ATXN2L: variants seen among roughly 807,000 people sequenced by gnomAD.
The protein encoded by ATXN2L is ataxin-2-like protein.
In ATXN2L, 24 loss-of-function variants were observed where a neutral mutation model predicts 120.7. That is an observed-to-expected ratio of 0.20 (90% CI 0.14 to 0.28). The LOEUF (loss-of-function observed/expected upper bound fraction) is 0.28, where lower values mean the gene tolerates loss of function less well. Among genes scored for constraint, ATXN2L ranks in the 10% least tolerant of loss-of-function variants. ATXN2L has a pLI of 1.00. For missense variants in ATXN2L, 1,312 were observed against 1,432.3 expected, an observed-to-expected ratio of 0.92 and a Z score of 1.36; for synonymous variants, 653 against 568.1, an observed-to-expected ratio of 1.15 and a Z score of -2.13.
chr16:28,836,752 T>C lies in ATXN2L; in HGVS notation c.*487T>C, dbSNP rs1278375812. ...GTTCAATCTCATCCCTCCCAGCAGC[T>C]CCCCTTCCACCCCCCGGGGAACTGA... On this transcript the variant is annotated 3_prime_UTR_variant, in exon 22 of 22. Transcript: ENST00000336783. The C allele has an allele frequency of 1.9e-6, 3 of 1,613,506 alleles. No homozygotes were observed. The highest frequency in any genetic ancestry group is 1.7e-6 in the Non-Finnish European group (2 of 1,179,910).
rs546961698 is a variant in ATXN2L, at chr16:28,834,524, G to A, written c.2264G>A (p.Arg755His). ...CTTCCAGGCTCCCTTCCTCCGCAGC[G>A]CTCGGACCAACACCAGCCAGCCTCA... is the stretch of plus-strand genomic sequence containing the variant. ...RGAKGSLPPQ[R>H]SDQHQPASAP... is the part of the protein sequence containing the mutation. Residue 755 changes from arginine to histidine, a missense_variant, in exon 18 of 22, where the codon CGC becomes CAC. Arg to His is a conservative substitution (Grantham distance 29). Transcript: ENST00000336783. 8 of 1,610,556 alleles carry A rather than the reference G, an allele frequency of 5.0e-6. No individual in the cohort carries two copies. The highest frequency in any genetic ancestry group is 4.0e-5 in the African/African-American group (3 of 75,016).
Position 28,835,094 on chromosome 16 carries a change from A to G in ATXN2L, c.2470A>G (p.Met824Val). ...FAPMLQSNPR[M>V]LTSGSHPQAI... ...CCCCATGCTTCAGAGCAACCCACGC[A>G]TGCTGACGTCGGGCAGCCATCCCCA... Residue 824 changes from methionine (M) to valine (V), a missense_variant, in exon 19 of 22, where the codon ATG (methionine) becomes GTG (valine). Coordinates refer to ENST00000336783, the MANE Select transcript of ATXN2L (RefSeq NM_007245.4). The G allele has an allele frequency of 1.2e-6, 2 of 1,613,846 alleles. No individual in the cohort carries two copies. The highest frequency in any genetic ancestry group is 8.5e-7 in the Non-Finnish European group (1 of 1,179,900).
rs749273222 is a variant in ATXN2L at position 28,835,339 on chromosome 16, G to A, written c.2625G>A (p.Pro875=). 16 of 1,613,364 alleles carry A rather than the reference G, an allele frequency of 9.9e-6. No homozygotes were observed. The highest frequency in any genetic ancestry group is 6.6e-5 in the South Asian group (6 of 91,084). ...ATQLHAHQPQ[P]ATTPTGSQPQ... ...AGCTCCATGCCCACCAGCCGCAGCC[G>A]GCTACCACGCCTACTGGAAGCCAGC... The change falls in exon 20 of 22, where the codon CCG becomes CCA. Residue 875 remains proline, a synonymous_variant. Coordinates refer to ENST00000336783, the MANE Select transcript of ATXN2L (RefSeq NM_007245.4).
rs749427797 is a variant in ATXN2L at position 28,829,379 on chromosome 16, A to G, written c.742-22A>G. ...CGTTGCTTTTCCTGCTGGGTTTTAA[A>G]ACCACCTTCCTCCCTCCCCAGTCCA... is the stretch of plus-strand genomic sequence containing the variant. On this transcript the variant is annotated intron_variant, in intron 6 of 21. Coordinates refer to ENST00000336783, the MANE Select transcript of ATXN2L (RefSeq NM_007245.4). The G allele has an allele frequency of 1.1e-5, 18 of 1,574,808 alleles. No homozygotes were observed. In the Admixed American group the frequency reaches 2.8e-4, roughly 25 times the overall value.
In ATXN2L at chr16:28,833,946, A is replaced by G. The variant is rs151059131; in HGVS notation, c.2026-119A>G. ...GGGTTTAATGTGAGGCTTTATCAAG[A>G]TAAGTGCAGAATATGTTTGGTATGC... On this transcript the variant is annotated intron_variant, in intron 15 of 21. Transcript: ENST00000336783. 4.3e-4 allele frequency: 500 copies of G among 1,173,198 alleles called. 2 individuals are homozygous for G. Among genetic ancestry groups the G allele is most frequent in the African/African-American group, 7.9e-4 (51 of 64,932 alleles). 72.7% of individuals were successfully genotyped at this position (1,173,198 alleles called of 1,614,324 possible). A position where few individuals can be genotyped will look rare whatever the true frequency, so the allele number is the denominator to read the frequency against.
In ATXN2L at chr16:28,825,696, A is replaced by AC. The variant is rs775885605; in HGVS notation, c.393+21dup. 2.2e-5 allele frequency: 36 copies of AC among 1,613,944 alleles called. No individual in the cohort carries two copies. The Admixed American group carries it at 4.0e-4, about 18-fold the overall frequency. On this transcript the variant is annotated intron_variant, in intron 3 of 21. Coordinates refer to ENST00000336783, the MANE Select transcript of ATXN2L (RefSeq NM_007245.4). ...AGCTGTTGTGGTAAGTTGGTACTTA[A>AC]CCCCCGGGTTGTTTAAGGAACGTAA...
chr16:28,830,463 C>T (rs1346232194), intron 8 of ATXN2L, 152 bp from the exon 9 acceptor site: 2 of 756,836 alleles, frequency 2.6e-6, no homozygotes, highest in African/African-American at 3.6e-5. Context: ...GAACGTTAAA[C>T]TAGGGCAGAT....
chr16:28,827,626 A>C (rs776106131), intron 6 of ATXN2L, among the ~76,000 whole-genome samples: 11 of 152,138 alleles, frequency 7.2e-5, no homozygotes, highest in African/African-American at 1.4e-4. Flanking sequence ...AGTCCCAGCT[A>C]CTTGGGAGGC....
At chr16:28,829,284 T>C (rs186428345) in intron 6 of ATXN2L, 117 bp from the exon 7 acceptor site, 84 of 725,454 alleles carry the variant, frequency 1.2e-4, no homozygotes, top group South Asian at 6.2e-4. Context: ...ATTACAGGTT[T>C]CAGCCACTGT....
At chr16:28,835,901 G>T in intron 21 of ATXN2L, 32 bp from the exon 22 acceptor site, 1 of 1,553,040 alleles carries the variant, frequency 6.4e-7, no homozygotes, top group Non-Finnish European at 8.7e-7. Flanking sequence ...AGGATTCTGT[G>T]GTCTTCCCGG....
intron 15 of ATXN2L, 65 bp downstream of exon 15, chr16:28,833,573 T>A: frequency 1.3e-6 from 2 of 1,492,028 alleles, no homozygotes; most frequent in Non-Finnish European, 1.9e-6. Flanking sequence ...TGCTTATAGA[T>A]GAATAGGGGG....
chr16:28,832,456 G>A (rs2054847475), intron 11 of ATXN2L, 40 bp from the exon 12 acceptor site: 1 of 1,612,400 alleles, frequency 6.2e-7, no homozygotes, highest in Non-Finnish European at 8.5e-7. Context: ...TTGTGGTTCT[G>A]GACAGAAGGA....
Position 28,825,384 on chromosome 16 carries a change from G to A in ATXN2L, c.318G>A (p.Lys106=). ...IGSARGQSTG[K]GPPQSPVFEG... is the part of the protein sequence containing the mutation. ...TTTATAGGGGACAGAGCACAGGAAA[G>A]GGACCCCCACAGTCACCTGTGAGTG... Residue 106 remains lysine (K), a synonymous_variant, in exon 2 of 22, where the codon AAG becomes AAA. Coordinates refer to ENST00000336783, the MANE Select transcript of ATXN2L (RefSeq NM_007245.4). 3 of 1,613,934 alleles carry A rather than the reference G, an allele frequency of 1.9e-6. No homozygotes were observed. Among genetic ancestry groups the A allele is most frequent in the Non-Finnish European group, 2.5e-6 (3 of 1,179,934 alleles).
intron 12 of ATXN2L, 120 bp downstream of exon 12, chr16:28,832,687 T>G: frequency 7.0e-7 from 1 of 1,422,004 alleles, no homozygotes; most frequent in South Asian, 1.2e-5. Context: ...TGGATTATAA[T>G]TTCACTTCTG....
chr16:28,836,879 C>A lies in ATXN2L; in HGVS notation c.*614C>A, dbSNP rs541173680. 3.4e-5 allele frequency: 43 copies of A among 1,280,040 alleles called. No individual in the cohort carries two copies. Among genetic ancestry groups the A allele is most frequent in the Non-Finnish European group, 4.3e-5 (39 of 902,010 alleles). The allele number at this position is 1,280,040 out of a possible 1,614,324, so 79.3% of individuals were successfully genotyped here. On this transcript the variant is annotated 3_prime_UTR_variant, in exon 22 of 22. Transcript: ENST00000336783. ...GACCACTCCCAGCCCCCCATCCCCCCGTTCCCCAGGGGAGCTGGGGAATTC... is the reference window on the plus strand; with the variant it reads ...GACCACTCCCAGCCCCCCATCCCCCAGTTCCCCAGGGGAGCTGGGGAATTC...
chr16:28,826,791 G>A, intron 5 of ATXN2L, 71 bp from the exon 6 acceptor site: 4 of 1,470,998 alleles, frequency 2.7e-6, no homozygotes, highest in Non-Finnish European at 2.7e-6. Context: ...ACGGAGAGTG[G>A]GGTTGGGGGA....
chr16:28,830,989 A>G lies in ATXN2L; in HGVS notation c.1238A>G (p.Gln413Arg). ...GGPSRMSPKA[Q>R]RPLRGAKTLS... ...CCTTCCCGCATGTCCCCAAAGGCACAACGGCCTCTGAGAGGTGCCAAGACT... is the reference window on the plus strand; with the variant it reads ...CCTTCCCGCATGTCCCCAAAGGCACGACGGCCTCTGAGAGGTGCCAAGACT... Residue 413 changes from glutamine (Q) to arginine (R), a missense_variant, in exon 10 of 22, where the codon CAA (glutamine) becomes CGA (arginine). Coordinates refer to ENST00000336783, the MANE Select transcript of ATXN2L (RefSeq NM_007245.4). 1.3e-6 allele frequency: 2 copies of G among 1,596,072 alleles called. No individual in the cohort carries two copies. The highest frequency in any genetic ancestry group is 2.7e-5 in the African/African-American group (2 of 73,686).
In ATXN2L at chr16:28,825,812, G is replaced by A. The variant is rs750191725; in HGVS notation, c.436G>A (p.Glu146Lys). ...AAAGGTGAAAAATGGTACCACTTAT[G>A]AGGGTATCTTCAAGACGCTAAGCTC... ...DVKVKNGTTYEGIFKTLSSKF... is the reference protein window; with the variant it reads ...DVKVKNGTTYKGIFKTLSSKF... The change falls in exon 4 of 22, where the codon GAG becomes AAG. Residue 146 changes from glutamate (E) to lysine (K), a missense_variant. Coordinates refer to ENST00000336783, the MANE Select transcript of ATXN2L (RefSeq NM_007245.4). The A allele has an allele frequency of 6.2e-7, 1 of 1,614,050 alleles. No homozygotes were observed. The highest frequency in any genetic ancestry group is 1.1e-5 in the South Asian group (1 of 91,082).
intron 18 of ATXN2L, 175 bp from the exon 19 acceptor site, chr16:28,834,883 A>G (rs1298995693): frequency 5.4e-5 from 61 of 1,139,660 alleles, no homozygotes; most frequent in Non-Finnish European, 6.7e-5. Context: ...GGCATTGGAC[A>G]TCTGTATCTC....
Sources: gnomAD v4.1 joint callset for allele counts (sites outside exome capture counted in the v4.1 genomes callset) on GRCh38, gnomAD v4.1.1 for gene constraint, MANE v1.5 for transcripts, NCBI Gene and HGNC (gene_info 2026-07-23, HGNC 2026-07-21) for gene names.